The following MAEL variants were observed in gnomAD, a reference collection of about 807,000 sequenced individuals.
MAEL encodes the protein maelstrom spermatogenic transposon silencer.
Under a neutral mutation model 62.0 loss-of-function variants are expected in MAEL, and 46 were observed. The ratio of observed to expected loss-of-function variants is 0.74; its 90% confidence interval spans 0.59 to 0.95. The LOEUF (loss-of-function observed/expected upper bound fraction) is 0.95, where lower values mean the gene tolerates loss of function less well. MAEL is among the 40% of genes least tolerant of loss of function. The probability of loss-of-function intolerance (pLI) is 0.00; values close to 1 mark genes in which losing one functional copy is unlikely to be tolerated. For missense variants in MAEL, 497 were observed against 526.8 expected (o/e 0.94, Z 0.55); for synonymous variants, 172 against 175.5 (o/e 0.98, Z 0.16).
At chr1:166,980,294 G>T (rs1395042048) in intron 1 of MAEL, among the ~76,000 whole-genome samples, 1 of 152,018 alleles carries the variant, frequency 6.6e-6, no homozygotes, top group East Asian at 1.9e-4. Flanking sequence ...CCAAAGTGCT[G>T]GGATTACAAG....
Position 167,005,337 on chromosome 1 carries a change from C to G in MAEL, c.785C>G (p.Ser262Cys). The G allele has an allele frequency of 6.2e-7, 1 of 1,613,670 alleles. No individual in the cohort carries two copies. Among genetic ancestry groups the G allele is most frequent in the Non-Finnish European group, 8.5e-7 (1 of 1,179,774 alleles). The change falls in exon 8 of 12, where the codon TCT becomes TGT. Residue 262 changes from serine to cysteine, a missense_variant. Ser to Cys is a moderately radical substitution (Grantham distance 112). Transcript: ENST00000367872. The stretch of plus-strand genomic sequence containing the variant: ...CAACAAAAATTTCTCAAGGAGCCCT[C>G]TAAGACTTGGATTCGAAGCCTCCTA... ...IYQQKFLKEP[S>C]KTWIRSLLDV...
upstream of MAEL, chr1:166,989,232 T>G: frequency 7.5e-7 from 1 of 1,325,680 alleles, no homozygotes; most frequent in Admixed American, 2.4e-5. Context: ...CGTCGCTTCC[T>G]GATTGGCCGA....
intron 1 of MAEL, among the ~76,000 whole-genome samples, chr1:166,983,097 T>C (rs1020932332): frequency 6.6e-6 from 1 of 152,362 alleles, no homozygotes; most frequent in South Asian, 2.1e-4. Flanking sequence ...CATCTTGTTA[T>C]ATACATAATA....
chr1:166,983,523 A>G (rs543804744), intron 1 of MAEL, among the ~76,000 whole-genome samples: 8 of 152,248 alleles, frequency 5.3e-5, no homozygotes, highest in African/African-American at 1.7e-4. Context: ...CTCCACTTGA[A>G]TATATAGTAG....
chr1:166,989,494 G>C lies in MAEL; in HGVS notation c.132+10G>C. On this transcript the variant is annotated intron_variant, in intron 1 of 11. Coordinates refer to ENST00000367872, the MANE Select transcript of MAEL (RefSeq NM_032858.3). ...CTCCTCAGACTGGGCGGTAAGGCTG[G>C]AGCGGAGTGAGAGGGCTGGGCAGGG... 5.7e-6 allele frequency: 9 copies of C among 1,580,686 alleles called. No individual in the cohort carries two copies. The highest frequency in any genetic ancestry group is 7.7e-6 in the Non-Finnish European group (9 of 1,163,012).
At chr1:167,008,395 A>G (rs1665021960) in intron 8 of MAEL, among the ~76,000 whole-genome samples, 1 of 152,056 alleles carries the variant, frequency 6.6e-6, no homozygotes, top group South Asian at 2.1e-4. Flanking sequence ...ATAGCTTTTC[A>G]AAGTTATTTG....
chr1:167,001,319 C>T (rs1664655432), intron 5 of MAEL, among the ~76,000 whole-genome samples: 1 of 152,094 alleles, frequency 6.6e-6, no homozygotes, highest in Non-Finnish European at 1.5e-5. Flanking sequence ...GTGTATACTA[C>T]TCGGGTGATG....
At chr1:166,979,199 C>T (rs1175721512) in intron 1 of MAEL, among the ~76,000 whole-genome samples, 1 of 152,216 alleles carries the variant, frequency 6.6e-6, no homozygotes, top group Non-Finnish European at 1.5e-5. Context: ...CTTCTCCTCT[C>T]TGATCCTGCA....
chr1:167,000,026 A>G (rs564318583), intron 5 of MAEL, among the ~76,000 whole-genome samples: 3 of 152,290 alleles, frequency 2.0e-5, no homozygotes, highest in African/African-American at 7.2e-5. Flanking sequence ...CTAGTCATCC[A>G]AGAGCTCTGG....
chr1:167,007,756 G>A (rs1014436823), intron 8 of MAEL, among the ~76,000 whole-genome samples: 3 of 151,782 alleles, frequency 2.0e-5, no homozygotes, highest in African/African-American at 7.3e-5. Flanking sequence ...TCCTTTCTCT[G>A]AGAATGAGAA....
At chr1:166,979,609 C>G (rs563273077) in intron 1 of MAEL, among the ~76,000 whole-genome samples, 1 of 152,344 alleles carries the variant, frequency 6.6e-6, no homozygotes, top group African/African-American at 2.4e-5. Context: ...ACAGTGGACA[C>G]TAGACACCAC....
chr1:166,989,805 G>C lies in MAEL; in HGVS notation c.201G>C (p.Lys67Asn). Reference protein sequence around the residue: ...MAREWRAAQGKDPGPSEKQKP... With the variant: ...MAREWRAAQGNDPGPSEKQKP... ...GAGAATGGAGGGCCGCTCAGGGAAA[G>C]GACCCTGGGCCCTCAGAGAAGCAGG... Residue 67 changes from lysine to asparagine, a missense_variant, in exon 2 of 12, where the codon AAG (lysine) becomes AAC (asparagine). Transcript: ENST00000367872. The C allele has an allele frequency of 6.2e-7, 1 of 1,613,806 alleles. No homozygotes were observed. Among genetic ancestry groups the C allele is most frequent in the Non-Finnish European group, 8.5e-7 (1 of 1,179,918 alleles).
chr1:166,997,876 G>C (rs1489448395), intron 5 of MAEL, among the ~76,000 whole-genome samples: 1 of 152,104 alleles, frequency 6.6e-6, no homozygotes, highest in African/African-American at 2.4e-5. Flanking sequence ...ATTGACTTGT[G>C]TATAGTATGA....
In MAEL at chr1:167,022,078, G is replaced by A; in HGVS notation, c.*223G>A. 4 of 444,758 alleles carry A rather than the reference G, an allele frequency of 9.0e-6. No individual in the cohort carries two copies. Among genetic ancestry groups the A allele is most frequent in the Non-Finnish European group, 1.6e-5 (4 of 252,286 alleles). The allele number at this position is 444,758 out of a possible 1,614,324, so 27.6% of individuals were successfully genotyped here. A position where few individuals can be genotyped will look rare whatever the true frequency, so the allele number is the denominator to read the frequency against. On this transcript the variant is annotated 3_prime_UTR_variant, in exon 12 of 12. Coordinates refer to ENST00000367872, the MANE Select transcript of MAEL (RefSeq NM_032858.3). ...TGTTCTGCTTCCTGGCTGTATGATG[G>A]GTATATCATTAAAGTTTGGAGTCCT...
upstream of MAEL, chr1:166,989,226 G>A: frequency 7.9e-7 from 1 of 1,269,502 alleles, no homozygotes; most frequent in Non-Finnish European, 1.1e-6. Flanking sequence ...ACTGCGCGTC[G>A]CTTCCTGATT....
intron 9 of MAEL, among the ~76,000 whole-genome samples, chr1:167,016,587 A>G (rs1020334041): frequency 4.6e-5 from 7 of 152,166 alleles, no homozygotes; most frequent in African/African-American, 1.7e-4. Context: ...ACGTTCTCCA[A>G]AAAACTAAAA....
chr1:167,001,441 G>A (rs747321769), intron 5 of MAEL, among the ~76,000 whole-genome samples: 14 of 152,176 alleles, frequency 9.2e-5, no homozygotes, highest in African/African-American at 2.4e-4. Flanking sequence ...AAGATCTTTC[G>A]CCAGCAAAAA....
At chr1:167,003,188 A>G (rs543801964) in intron 5 of MAEL, among the ~76,000 whole-genome samples, 28 of 152,262 alleles carry the variant, frequency 1.8e-4, no homozygotes, top group South Asian at 6.2e-4. Context: ...TCCTGGCTCA[A>G]TTGATCCAGT....
At chr1:167,003,708 CTTT>C (rs1172091265) in intron 5 of MAEL, among the ~76,000 whole-genome samples, 1 of 152,162 alleles carries the variant, frequency 6.6e-6, no homozygotes, top group Non-Finnish European at 1.5e-5. Flanking sequence ...TATCCTCACG[CTTT>C]TTTATTTTCT....
Sources: gnomAD v4.1 joint callset for allele counts (sites outside exome capture counted in the v4.1 genomes callset) on GRCh38, gnomAD v4.1.1 for gene constraint, MANE v1.5 for transcripts, NCBI Gene and HGNC (gene_info 2026-07-23, HGNC 2026-07-21) for gene names.